Variants in SH3GL2 observed in about 807,000 individuals in gnomAD.
The protein encoded by SH3GL2 is endophilin-A1.
Under a neutral mutation model 46.0 loss-of-function variants are expected in SH3GL2, and 24 were observed. That is an observed-to-expected ratio of 0.52 (90% CI 0.38 to 0.73). SH3GL2 has a LOEUF of 0.73. SH3GL2 is among the 30% of genes least tolerant of loss of function. The pLI is 0.00. For synonymous variants in SH3GL2, 196 were observed against 147.1 expected (o/e 1.33, Z -2.40); for missense variants, 413 against 424.2 (o/e 0.97, Z 0.23).
At chr9:17,680,790 C>T (rs1054996701) in intron 1 of SH3GL2, among the ~76,000 whole-genome samples, 8 of 152,244 alleles carry the variant, frequency 5.3e-5, no homozygotes, top group Non-Finnish European at 1.0e-4. Context: ...TCCCTGTACA[C>T]ACTGCTTTAA....
chr9:17,682,693 A>G (rs1265874433), intron 1 of SH3GL2, among the ~76,000 whole-genome samples: 1 of 151,762 alleles, frequency 6.6e-6, no homozygotes, highest in Non-Finnish European at 1.5e-5. Flanking sequence ...TAAAAAAAAA[A>G]AAAAGGAAAA....
At chr9:17,640,497 T>TA (rs1819652868) in intron 1 of SH3GL2, among the ~76,000 whole-genome samples, 1 of 152,162 alleles carries the variant, frequency 6.6e-6, no homozygotes, top group African/African-American at 2.4e-5. Context: ...GTCATAATAT[T>TA]AAAGAAAACC....
chr9:17,786,270 T>G (rs1014902572), intron 3 of SH3GL2, 111 bp from the exon 4 acceptor site: 4 of 935,432 alleles, frequency 4.3e-6, no homozygotes, highest in Non-Finnish European at 6.5e-6. Context: ...GGTACACTTA[T>G]CAGTAGCTGA....
At chr9:17,704,115 A>G (rs377334106) in intron 1 of SH3GL2, among the ~76,000 whole-genome samples, 1 of 152,084 alleles carries the variant, frequency 6.6e-6, no homozygotes, top group Middle Eastern at 3.2e-3. Flanking sequence ...AAATTAATGT[A>G]CAAAAATCAG....
rs556026089 is a variant in SH3GL2 at position 17,677,594 on chromosome 9, T to C, written c.46-69472T>C. Among the ~76,000 whole-genome samples the C allele has an allele frequency of 5.9e-5, 9 of 151,564 alleles. No homozygotes were observed. The South Asian group carries it at 1.7e-3, about 28-fold the overall frequency. On this transcript the variant is annotated intron_variant, in intron 1 of 8. Transcript: ENST00000380607. ...ACTTGTAAAAGAATGCTATTCTTGA[T>C]CTACTGTTACCTACTGTTTAAATTG...
chr9:17,780,060 G>T (rs1447236249), intron 3 of SH3GL2, among the ~76,000 whole-genome samples: 1 of 152,088 alleles, frequency 6.6e-6, no homozygotes, highest in Non-Finnish European at 1.5e-5. Context: ...AATTACATCA[G>T]AATGTTTAGG....
intron 1 of SH3GL2, among the ~76,000 whole-genome samples, chr9:17,581,857 C>T (rs1441193165): frequency 6.6e-6 from 1 of 152,124 alleles, no homozygotes; most frequent in Non-Finnish European, 1.5e-5. Context: ...CACTACCACG[C>T]TCAGCTAATT....
intron 1 of SH3GL2, among the ~76,000 whole-genome samples, chr9:17,716,058 ATGTT>A (rs757772980): frequency 2.0e-5 from 3 of 152,062 alleles, no homozygotes; most frequent in East Asian, 1.9e-4. Context: ...AGGACTGTCT[ATGTT>A]TGTACGTGTG....
At chr9:17,755,992 G>A (rs1200743193) in intron 2 of SH3GL2, among the ~76,000 whole-genome samples, 1 of 152,004 alleles carries the variant, frequency 6.6e-6, no homozygotes, top group Non-Finnish European at 1.5e-5. Flanking sequence ...CTAGCACCTA[G>A]CACAGGAATC....
At chr9:17,632,758 A>T (rs1473417245) in intron 1 of SH3GL2, among the ~76,000 whole-genome samples, 1 of 152,092 alleles carries the variant, frequency 6.6e-6, no homozygotes, top group African/African-American at 2.4e-5. Context: ...AGCTTTAGGG[A>T]TGTTCTTAAC....
intron 1 of SH3GL2, among the ~76,000 whole-genome samples, chr9:17,629,237 T>C (rs986734910): frequency 2.8e-4 from 43 of 152,138 alleles, no homozygotes; most frequent in African/African-American, 1.0e-3. Context: ...AACAAAGGGG[T>C]TGTATGAAAT....
chr9:17,614,648 C>T (rs973657005), intron 1 of SH3GL2, among the ~76,000 whole-genome samples: 1 of 152,146 alleles, frequency 6.6e-6, no homozygotes, highest in Non-Finnish European at 1.5e-5. Flanking sequence ...ACCTTGTGAG[C>T]TGTATATTAC....
At chr9:17,633,992 A>C (rs903499656) in intron 1 of SH3GL2, among the ~76,000 whole-genome samples, 1 of 152,214 alleles carries the variant, frequency 6.6e-6, no homozygotes, top group Non-Finnish European at 1.5e-5. Flanking sequence ...CTTCCTGCTC[A>C]TGAAAGCCTT....
At chr9:17,681,614 A>T (rs181087538) in intron 1 of SH3GL2, among the ~76,000 whole-genome samples, 2 of 149,928 alleles carry the variant, frequency 1.3e-5, no homozygotes, top group East Asian at 3.9e-4. Context: ...AAGAAAACCT[A>T]GGCAGTGCCA....
At chr9:17,782,329 G>A (rs1206278856) in intron 3 of SH3GL2, among the ~76,000 whole-genome samples, 1 of 152,072 alleles carries the variant, frequency 6.6e-6, no homozygotes, top group African/African-American at 2.4e-5. Context: ...TTCTGTGAGA[G>A]CACGTGATCA....
chr9:17,775,185 T>C (rs145816587), intron 3 of SH3GL2, among the ~76,000 whole-genome samples: 144 of 152,274 alleles, frequency 9.5e-4, no homozygotes, highest in African/African-American at 3.3e-3. Context: ...TTTTTTCTAG[T>C]TCAGCTAGCT....
Position 17,673,644 on chromosome 9 carries a change from G to T in SH3GL2, c.46-73422G>T, listed in dbSNP as rs7047538. Among the ~76,000 whole-genome samples, 453 of 152,324 alleles carry T rather than the reference G, an allele frequency of 3.0e-3. 18 individuals are homozygous for T. In the East Asian group the frequency reaches 0.07, roughly 23 times the overall value. On this transcript the variant is annotated intron_variant, in intron 1 of 8. Transcript: ENST00000380607. ...CCTACTAGCCAGCCATGATCTCCTT[G>T]TCCATCTTGATGTCTTGCCATTCCC...
Position 17,787,373 on chromosome 9 carries a change from C to G in SH3GL2, c.332-7C>G, listed in dbSNP as rs368629812. ...CTGTAACATGAAAGAGCTTTATTCT[C>G]TCCTAGGCCCAGCACTTGGTGAGGT... is the stretch of plus-strand genomic sequence containing the variant. On this transcript the variant is annotated splice_polypyrimidine_tract_variant and splice_region_variant and intron_variant, in intron 4 of 8. Transcript: ENST00000380607. 9 of 1,611,946 alleles carry G rather than the reference C, an allele frequency of 5.6e-6. No homozygotes were observed. The African/African-American group carries it at 9.4e-5, about 17-fold the overall frequency.
At chr9:17,590,238 G>A (rs1818454988) in intron 1 of SH3GL2, 1 of 152,236 alleles carries the variant, frequency 6.6e-6, no homozygotes, top group Non-Finnish European at 1.5e-5. Flanking sequence ...TACTGCTTAA[G>A]TGGCTGCATC....
Sources: allele counts gnomAD v4.1 joint callset (sites outside exome capture counted in the v4.1 genomes callset), GRCh38; gene constraint gnomAD v4.1.1; transcripts MANE v1.5; gene names NCBI Gene and HGNC (gene_info 2026-07-23, HGNC 2026-07-21).